The following CSPP1 variants were observed in gnomAD, a reference collection of about 807,000 sequenced individuals.
CSPP1 encodes the protein centrosome and spindle pole associated protein 1.
Under a neutral mutation model 164.4 loss-of-function variants are expected in CSPP1, and 126 were observed. The ratio of observed to expected loss-of-function variants is 0.77; its 90% CI spans 0.66 to 0.89. The LOEUF (loss-of-function observed/expected upper bound fraction) is 0.89. Ranked by LOEUF, CSPP1 falls within the 40% of genes least tolerant of loss-of-function variation. The probability of loss-of-function intolerance (pLI) is 0.00; values close to 1 mark genes in which losing one functional copy is unlikely to be tolerated. For synonymous variants in CSPP1, 472 were observed against 476.7 expected (o/e 0.99, Z 0.13); for missense variants, 1,395 against 1,449.8 (o/e 0.96, Z 0.61).
intron 18 of CSPP1, among the ~76,000 whole-genome samples, chr8:67,152,476 A>G (rs181323612): frequency 6.6e-6 from 1 of 152,204 alleles, no homozygotes; most frequent in African/African-American, 2.4e-5. Flanking sequence ...TTGGCTTATT[A>G]TCATGCCAAG....
At chr8:67,112,234 G>GTT (rs375921547) in intron 10 of CSPP1, among the ~76,000 whole-genome samples, 169 bp downstream of exon 10, 18 of 123,078 alleles carry the variant, frequency 1.5e-4, no homozygotes, top group East Asian at 5.0e-4. Flanking sequence ...TACTAAGAGA[G>GTT]TTTTTTTTTT....
intron 28 of CSPP1, among the ~76,000 whole-genome samples, chr8:67,181,748 A>G (rs987622757): frequency 2.0e-5 from 3 of 152,208 alleles, no homozygotes; most frequent in African/African-American, 2.4e-5. Flanking sequence ...AAGTATTTCT[A>G]TTGTGCAACC....
In CSPP1 at chr8:67,159,844, T is replaced by C. The variant is rs927913420; in HGVS notation, c.2538+707T>C. On this transcript the variant is annotated intron_variant, in intron 21 of 30. Coordinates refer to ENST00000678616, the MANE Select transcript of CSPP1 (RefSeq NM_001382391.1). ...GCCTTCTCTCTCTTTCTTTCTTTCT[T>C]TCTTTCTTTTTCTTTCTTTCTTTCT... Among the ~76,000 whole-genome samples the C allele has an allele frequency of 3.3e-5, 4 of 122,810 alleles. 1 individual carries two copies. The highest frequency in any genetic ancestry group is 2.4e-4 in the Admixed American group (3 of 12,396). 80.6% of individuals were successfully genotyped at this position (122,810 alleles called of 152,430 possible).
In CSPP1 at chr8:67,137,033, G is replaced by A. The variant is rs1202047686; in HGVS notation, c.1828-423G>A. 2.6e-5 allele frequency among the ~76,000 whole-genome samples: 4 copies of A among 152,140 alleles called. No homozygotes were observed. The East Asian group carries it at 7.7e-4, about 29-fold the overall frequency. The stretch of plus-strand genomic sequence containing the variant: ...CTTGCATAATGTTGCCCAAGCTGAA[G>A]TACAGTGGCATGATCTTGGCTGACT... On this transcript the variant is annotated intron_variant, in intron 16 of 30. Coordinates refer to ENST00000678616, the MANE Select transcript of CSPP1 (RefSeq NM_001382391.1).
intron 8 of CSPP1, 27 bp from the exon 9 acceptor site, chr8:67,105,876 ACT>A (rs1815402895): frequency 1.6e-6 from 2 of 1,268,142 alleles, no homozygotes; most frequent in South Asian, 1.2e-5. Context: ...ATTTTAATTT[ACT>A]CTTTTTCTCT....
chr8:67,081,416 A>G (rs942892239), intron 3 of CSPP1, among the ~76,000 whole-genome samples: 1 of 152,092 alleles, frequency 6.6e-6, no homozygotes, highest in African/African-American at 2.4e-5. Context: ...TAGGATGTAC[A>G]TGATTTAGTT....
chr8:67,076,835 T>C lies in CSPP1; in HGVS notation c.199+254T>C, dbSNP rs938937843. Among the ~76,000 whole-genome samples the C allele has an allele frequency of 2.6e-5, 4 of 152,218 alleles. No homozygotes were observed. In the South Asian group the frequency reaches 8.3e-4, roughly 32 times the overall value. On this transcript the variant is annotated intron_variant, in intron 3 of 30. Coordinates refer to ENST00000678616, the MANE Select transcript of CSPP1 (RefSeq NM_001382391.1). Reference sequence around the variant, plus strand: ...AGGTGTGTATAACATAACTTAAAAATTGAAAACTTTGAAAGGAATTTGTGT... The same window carrying C: ...AGGTGTGTATAACATAACTTAAAAACTGAAAACTTTGAAAGGAATTTGTGT...
intron 19 of CSPP1, among the ~76,000 whole-genome samples, chr8:67,155,680 C>G (rs964358230): frequency 2.0e-5 from 3 of 151,910 alleles, no homozygotes; most frequent in African/African-American, 7.2e-5. Flanking sequence ...CCCAGCTACT[C>G]GGGAGGCTGA....
intron 16 of CSPP1, chr8:67,133,487 TAAAC>T (rs1821653692): frequency 1.3e-5 from 2 of 152,230 alleles, no homozygotes. Context: ...CAACATGTCT[TAAAC>T]AAGCTACGTA....
chr8:67,100,128 C>T (rs978691142), intron 7 of CSPP1, among the ~76,000 whole-genome samples: 3 of 151,988 alleles, frequency 2.0e-5, no homozygotes, highest in Non-Finnish European at 4.4e-5. Flanking sequence ...ACAGAGTGGA[C>T]TTTTATAATC....
intron 27 of CSPP1, among the ~76,000 whole-genome samples, chr8:67,178,566 C>T (rs1832238067): frequency 6.6e-6 from 1 of 152,080 alleles, no homozygotes; most frequent in Non-Finnish European, 1.5e-5. Context: ...GCAGAGAAGG[C>T]AGCTGGAGGA....
chr8:67,137,159 T>G (rs1822489855), intron 16 of CSPP1, among the ~76,000 whole-genome samples: 1 of 151,948 alleles, frequency 6.6e-6, no homozygotes, highest in African/African-American at 2.4e-5. Context: ...TTTTTGTATT[T>G]TTAGTAGAGA....
intron 24 of CSPP1, among the ~76,000 whole-genome samples, chr8:67,166,877 C>T (rs899538304): frequency 8.5e-5 from 13 of 152,132 alleles, no homozygotes; most frequent in African/African-American, 2.9e-4. Flanking sequence ...TGCGGCCTTC[C>T]GCAGTGTTTG....
At chr8:67,089,169 A>C (rs1452333581) in intron 4 of CSPP1, among the ~76,000 whole-genome samples, 3 of 152,156 alleles carry the variant, frequency 2.0e-5, no homozygotes, top group African/African-American at 7.2e-5. Flanking sequence ...AATTTTGTCA[A>C]GAAGAGTTAT....
chr8:67,172,456 A>G lies in CSPP1; in HGVS notation c.2869A>G (p.Arg957Gly), dbSNP rs1358946896. The change falls in exon 25 of 31, where the codon AGA becomes GGA. Residue 957 changes from arginine (R) to glycine (G), a missense_variant. Arg to Gly is a moderately radical substitution (Grantham distance 125). Coordinates refer to ENST00000678616, the MANE Select transcript of CSPP1 (RefSeq NM_001382391.1). ...TCCCATGGATATATTTGATATGGCT[A>G]GACATCGGTTGCAAGCTCCTGTCAG... is the stretch of plus-strand genomic sequence containing the variant. ...RNPMDIFDMA[R>G]HRLQAPVRRQ... 10 of 1,613,040 alleles carry G rather than the reference A, an allele frequency of 6.2e-6. No individual in the cohort carries two copies. The highest frequency in any genetic ancestry group is 1.3e-5 in the African/African-American group (1 of 74,918).
chr8:67,069,940 G>A (rs934937048), intron 1 of CSPP1, among the ~76,000 whole-genome samples: 1 of 151,956 alleles, frequency 6.6e-6, no homozygotes, highest in Non-Finnish European at 1.5e-5. Flanking sequence ...GATTACAGGC[G>A]TGAGCCACCG....
chr8:67,099,187 A>T (rs186168188), intron 7 of CSPP1: 176 of 152,046 alleles, frequency 1.2e-3, no homozygotes, highest in African/African-American at 4.0e-3. Flanking sequence ...TCCCTCAATC[A>T]TATCTGATTT....
intron 7 of CSPP1, among the ~76,000 whole-genome samples, chr8:67,101,429 G>A (rs1318330330): frequency 6.6e-6 from 1 of 152,090 alleles, no homozygotes; most frequent in African/African-American, 2.4e-5. Context: ...CTCTGTTAAC[G>A]CTTTTCTGCA....
intron 21 of CSPP1, among the ~76,000 whole-genome samples, chr8:67,160,021 C>CTTTTCTTTTCTTTTCT (rs1563715292): frequency 1.6e-5 from 1 of 61,390 alleles, no homozygotes; most frequent in Non-Finnish European, 2.9e-5. Context: ...CTTTTCTTTT[C>CTTTTCTTTTCTTTTCT]TTTTCTTTTC....
Sources: allele counts gnomAD v4.1 joint callset (sites outside exome capture counted in the v4.1 genomes callset), GRCh38; gene constraint gnomAD v4.1.1; transcripts MANE v1.5; gene names NCBI Gene and HGNC (gene_info 2026-07-23, HGNC 2026-07-21).